Variants in SNAP29 observed in about 807,000 individuals in gnomAD.
The protein encoded by SNAP29 is synaptosome associated protein 29, also known as synaptosomal-associated protein 29.
A neutral mutation model predicts 27.9 loss-of-function variants in SNAP29; 13 were observed. That is an observed-to-expected ratio of 0.47 (90% CI 0.30 to 0.74). The LOEUF (loss-of-function observed/expected upper bound fraction) is 0.74. SNAP29 is among the 30% of genes least tolerant of loss of function. The pLI is 0.06. For synonymous variants in SNAP29, 119 were observed against 127.1 expected (o/e 0.94, Z 0.43); for missense variants, 368 against 336.5 (o/e 1.09, Z -0.73).
At position 20,859,021 on chromosome 22, in the gene SNAP29, C is replaced by G. The variant is rs986819881; in HGVS notation, c.-90C>G. On this transcript the variant is annotated 5_prime_UTR_variant, in exon 1 of 5. Transcript: ENST00000215730. Reference sequence around the variant, plus strand: ...GCGCGGAAGGAGTTCGCGCGACGACCGCGGGGTCGGCGGGCGGGGCGAGGC... The same window carrying G: ...GCGCGGAAGGAGTTCGCGCGACGACGGCGGGGTCGGCGGGCGGGGCGAGGC... The G allele has an allele frequency of 1.7e-5, 24 of 1,385,348 alleles. 1 individual carries two copies. In the South Asian group the frequency reaches 2.7e-4, roughly 16 times the overall value. 85.8% of individuals were successfully genotyped at this position (1,385,348 alleles called of 1,614,324 possible). A position where few individuals can be genotyped will look rare whatever the true frequency, so the allele number is the denominator to read the frequency against.
chr22:20,876,760 T>C (rs1458507390), intron 2 of SNAP29, among the ~76,000 whole-genome samples: 2 of 151,856 alleles, frequency 1.3e-5, no homozygotes, highest in Non-Finnish European at 2.9e-5. Flanking sequence ...TTAGTAGAGA[T>C]GGGGTTTCAC....
In SNAP29 at chr22:20,859,353, C is replaced by T. The variant is rs770993363; in HGVS notation, c.237+6C>T. On this transcript the variant is annotated splice_donor_region_variant and intron_variant, in intron 1 of 4. Transcript: ENST00000215730. ...TTGGGGTCGCCTCTTCCGAGGTGAG[C>T]CTGGGGCAGGGCTGGTGTGGACTCG... is the stretch of plus-strand genomic sequence containing the variant. 2 of 1,593,048 alleles carry T rather than the reference C, an allele frequency of 1.3e-6. No individual in the cohort carries two copies. Among genetic ancestry groups the T allele is most frequent in the Non-Finnish European group, 8.6e-7 (1 of 1,161,006 alleles).
At position 20,888,019 on chromosome 22, in the gene SNAP29, G is replaced by A. The variant is rs1322309494; in HGVS notation, c.*183G>A. ...AGTGTTTGTCCCACATTTTCCTAGGGTTAACACCTCACCAAGTTCTTCCAG... is the reference window on the plus strand; with the variant it reads ...AGTGTTTGTCCCACATTTTCCTAGGATTAACACCTCACCAAGTTCTTCCAG... On this transcript the variant is annotated 3_prime_UTR_variant, in exon 5 of 5. Coordinates refer to ENST00000215730, the MANE Select transcript of SNAP29 (RefSeq NM_004782.4). The A allele has an allele frequency of 3.2e-6, 2 of 633,542 alleles. No individual in the cohort carries two copies. The highest frequency in any genetic ancestry group is 5.5e-6 in the Non-Finnish European group (2 of 365,852). The allele number at this position is 633,542 out of a possible 1,614,324, so 39.2% of individuals were successfully genotyped here.
intron 2 of SNAP29, among the ~76,000 whole-genome samples, chr22:20,877,311 C>T (rs1928770687): frequency 1.3e-5 from 2 of 152,156 alleles, no homozygotes; most frequent in South Asian, 4.2e-4. Context: ...AATCCCAGCA[C>T]TTTGGGAGGC....
intron 1 of SNAP29, among the ~76,000 whole-genome samples, chr22:20,860,286 G>A (rs1472811791): frequency 1.3e-5 from 2 of 151,868 alleles, no homozygotes; most frequent in Admixed American, 1.3e-4. Flanking sequence ...GTACCCGGGA[G>A]GCAGAGGTTG....
At chr22:20,866,656 C>T (rs962178549) in intron 1 of SNAP29, among the ~76,000 whole-genome samples, 15 of 152,152 alleles carry the variant, frequency 9.9e-5, no homozygotes, top group African/African-American at 3.1e-4. Context: ...TGTTCCCTGC[C>T]GAGTCCTGTG....
intron 1 of SNAP29, among the ~76,000 whole-genome samples, chr22:20,869,274 G>A (rs1354412090): frequency 6.6e-6 from 1 of 152,090 alleles, no homozygotes; most frequent in Non-Finnish European, 1.5e-5. Context: ...CAGAAAAGGA[G>A]GTGGAGAAGA....
In SNAP29 at chr22:20,883,512, G is replaced by C. The variant is rs749402571; in HGVS notation, c.562G>C (p.Ala188Pro). ...RGAGSAMSTD[A>P]YPKNPHLRAY... The stretch of plus-strand genomic sequence containing the variant: ...GGCTGGTTCTGCCATGAGTACTGAT[G>C]CTTACCCAAAGAACCCACACCTTCG... The change falls in exon 4 of 5, where the codon GCT becomes CCT. Residue 188 changes from alanine (A) to proline (P), a missense_variant. Coordinates refer to ENST00000215730, the MANE Select transcript of SNAP29 (RefSeq NM_004782.4). The C allele has an allele frequency of 1.9e-6, 3 of 1,613,664 alleles. No homozygotes were observed. The highest frequency in any genetic ancestry group is 1.3e-5 in the African/African-American group (1 of 74,898).
rs372498611 is a variant in SNAP29 at position 20,885,146 on chromosome 22, G to C, written c.619+1577G>C. Among the ~76,000 whole-genome samples, 6 of 152,274 alleles carry C rather than the reference G, an allele frequency of 3.9e-5. No individual in the cohort carries two copies. In the South Asian group the frequency reaches 1.2e-3, roughly 32 times the overall value. ...TAGGTGTTGGCCTGTGGGCAGTTCT[G>C]TGAGTTTATTCTAAGTAGTGTCTCA... is the stretch of plus-strand genomic sequence containing the variant. On this transcript the variant is annotated intron_variant, in intron 4 of 4. Coordinates refer to ENST00000215730, the MANE Select transcript of SNAP29 (RefSeq NM_004782.4).
At chr22:20,867,073 T>C (rs1928477543) in intron 1 of SNAP29, among the ~76,000 whole-genome samples, 1 of 152,240 alleles carries the variant, frequency 6.6e-6, no homozygotes, top group African/African-American at 2.4e-5. Flanking sequence ...CTCATCTTGC[T>C]CTCTGTTAGA....
intron 4 of SNAP29, among the ~76,000 whole-genome samples, chr22:20,885,812 G>A (rs1369910149): frequency 6.6e-6 from 1 of 152,216 alleles, no homozygotes; most frequent in East Asian, 1.9e-4. Flanking sequence ...GCTGACACAG[G>A]CCAGGCCGGT....
At chr22:20,870,312 T>C in intron 1 of SNAP29, 25 bp from the exon 2 acceptor site, 1 of 1,612,760 alleles carries the variant, frequency 6.2e-7, no homozygotes, top group Non-Finnish European at 8.5e-7. Flanking sequence ...AAAGCTATAA[T>C]GCCACTGCCT....
chr22:20,883,609 C>T, intron 4 of SNAP29, 40 bp downstream of exon 4: 1 of 1,339,748 alleles, frequency 7.5e-7, no homozygotes, highest in Non-Finnish European at 1.1e-6. Flanking sequence ...AAGCCACTGT[C>T]CTTCAGGCAG....
At chr22:20,880,937 AGAG>A in intron 2 of SNAP29, 109 bp from the exon 3 acceptor site, 1 of 731,588 alleles carries the variant, frequency 1.4e-6, no homozygotes, top group East Asian at 2.8e-5. Context: ...AGTTTGGCAC[AGAG>A]GAGGCATTTG....
chr22:20,873,152 A>G (rs916896214), intron 2 of SNAP29, among the ~76,000 whole-genome samples: 2 of 151,900 alleles, frequency 1.3e-5, no homozygotes, highest in African/African-American at 4.8e-5. Flanking sequence ...TTAATTCTGT[A>G]ATGTGGAGCT....
intron 1 of SNAP29, among the ~76,000 whole-genome samples, chr22:20,869,709 G>A (rs1569116446): frequency 6.6e-6 from 1 of 152,186 alleles, no homozygotes; most frequent in African/African-American, 2.4e-5. Context: ...TGGAGGGCTA[G>A]AGAGAATCTG....
At chr22:20,864,591 G>T (rs1236783038) in intron 1 of SNAP29, among the ~76,000 whole-genome samples, 1 of 152,198 alleles carries the variant, frequency 6.6e-6, no homozygotes, top group Admixed American at 6.5e-5. Context: ...TGGTGATACT[G>T]ATGCAGCCAG....
chr22:20,861,918 C>T (rs1212049702), intron 1 of SNAP29, among the ~76,000 whole-genome samples: 2 of 152,202 alleles, frequency 1.3e-5, no homozygotes, highest in Non-Finnish European at 2.9e-5. Context: ...CAGGCGTGAG[C>T]GACCACACCT....
intron 3 of SNAP29, among the ~76,000 whole-genome samples, chr22:20,881,698 ACT>A (rs748988583): frequency 1.1e-3 from 160 of 152,180 alleles, no homozygotes; most frequent in Non-Finnish European, 2.1e-3. Flanking sequence ...CAAGAGTGAA[ACT>A]CTGTCTCAAA....
Sources: gnomAD v4.1 joint callset for allele counts (sites outside exome capture counted in the v4.1 genomes callset) on GRCh38, gnomAD v4.1.1 for gene constraint, MANE v1.5 for transcripts, NCBI Gene and HGNC (gene_info 2026-07-23, HGNC 2026-07-21) for gene names.